Variants in AHI1 observed in about 807,000 individuals in gnomAD.
AHI1 encodes Abelson helper integration site 1.
Under a neutral mutation model 149.3 loss-of-function variants are expected in AHI1, and 123 were observed. The ratio of observed to expected loss-of-function variants is 0.82; its 90% CI spans 0.71 to 0.96. The LOEUF (loss-of-function observed/expected upper bound fraction) is 0.96. AHI1 is among the 40% of genes least tolerant of loss of function. AHI1 has a pLI of 0.00. For missense variants in AHI1, 1,439 were observed against 1,422.7 expected (o/e 1.01, Z -0.18); for synonymous variants, 475 against 459.8 (o/e 1.03, Z -0.42).
rs74774127 is a variant in AHI1 at position 135,384,221 on chromosome 6, C to T, written c.3109+10555G>A. Among the ~76,000 whole-genome samples, 86 of 152,264 alleles carry T rather than the reference C, an allele frequency of 5.6e-4. 2 individuals carry two copies. In the East Asian group the frequency reaches 0.017, roughly 29 times the overall value. ...TCTAAGAACATAGTGCTTTCCCTTT[C>T]TAAAATTTAGTGGGAAGTTAGATAA... On this transcript the variant is annotated intron_variant, in intron 23 of 28. Coordinates refer to ENST00000265602, the MANE Select transcript of AHI1 (RefSeq NM_001134831.2).
chr6:135,432,903 A>G (rs1339532574), intron 16 of AHI1, 124 bp downstream of exon 16: 3 of 688,640 alleles, frequency 4.4e-6, no homozygotes, highest in Non-Finnish European at 7.4e-6. Context: ...ATGACCTGCA[A>G]AATAAGCATA....
intron 19 of AHI1, among the ~76,000 whole-genome samples, chr6:135,428,164 GA>G (rs1043796519): frequency 2.0e-5 from 3 of 151,480 alleles, no homozygotes; most frequent in African/African-American, 7.3e-5. Flanking sequence ...TTGTTTATTG[GA>G]AAAAAACTGA....
chr6:135,287,398 C>T (rs1781817549), intron 28 of AHI1, among the ~76,000 whole-genome samples: 1 of 152,130 alleles, frequency 6.6e-6, no homozygotes, highest in South Asian at 2.1e-4. Context: ...AAAGATGGCG[C>T]ATAAAAGGGA....
chr6:135,304,560 A>G (rs1369571605), intron 26 of AHI1, among the ~76,000 whole-genome samples: 2 of 151,978 alleles, frequency 1.3e-5, no homozygotes, highest in East Asian at 3.9e-4. Flanking sequence ...TCACAAGGTC[A>G]GGAGTCCAAG....
intron 26 of AHI1, chr6:135,301,075 T>A (rs1180339278): frequency 1.1e-5 from 11 of 985,204 alleles, no homozygotes; most frequent in Non-Finnish European, 1.3e-5. Context: ...CAATAAGCAC[T>A]TTCAAGGGTA....
At chr6:135,289,238 G>GT (rs1307879338) in intron 28 of AHI1, among the ~76,000 whole-genome samples, 1 of 151,942 alleles carries the variant, frequency 6.6e-6, no homozygotes. Context: ...GCTCACGCCT[G>GT]TAATCCCAGC....
intron 26 of AHI1, among the ~76,000 whole-genome samples, chr6:135,310,737 T>G (rs1785085043): frequency 6.6e-6 from 1 of 152,208 alleles, no homozygotes; most frequent in African/African-American, 2.4e-5. Context: ...ATAACAGTAG[T>G]TTCTCCACAT....
chr6:135,452,172 A>C (rs948811718), intron 11 of AHI1, among the ~76,000 whole-genome samples: 4 of 152,304 alleles, frequency 2.6e-5, no homozygotes, highest in South Asian at 4.1e-4. Flanking sequence ...TACAATGTCT[A>C]ATTTATCTAT....
intron 26 of AHI1, chr6:135,301,574 A>T (rs895932939): frequency 1.0e-6 from 1 of 985,452 alleles, no homozygotes; most frequent in African/African-American, 1.7e-5. Context: ...ACAGATTTCA[A>T]GAGGATATTA....
chr6:135,353,842 C>T (rs1792539022), intron 24 of AHI1, among the ~76,000 whole-genome samples: 1 of 151,922 alleles, frequency 6.6e-6, no homozygotes, highest in Admixed American at 6.6e-5. Flanking sequence ...GATGAAATAC[C>T]ATGTGACAAA....
At chr6:135,366,709 G>A (rs1269173693) in intron 23 of AHI1, among the ~76,000 whole-genome samples, 3 of 151,964 alleles carry the variant, frequency 2.0e-5, no homozygotes, top group African/African-American at 7.3e-5. Flanking sequence ...ATGGTCTATC[G>A]ATTTTGTTAA....
chr6:135,411,642 C>T, intron 20 of AHI1, 98 bp from the exon 21 acceptor site: 1 of 976,116 alleles, frequency 1.0e-6, no homozygotes, highest in Non-Finnish European at 1.4e-6. Flanking sequence ...AACTGCATAA[C>T]ACATCTTAAA....
chr6:135,494,961 T>TA (rs1795769548), intron 3 of AHI1, among the ~76,000 whole-genome samples: 1 of 152,114 alleles, frequency 6.6e-6, no homozygotes, highest in African/African-American at 2.4e-5. Context: ...CAAAGCTGTT[T>TA]ATAGAGGGGC....
Position 135,455,835 on chromosome 6 carries a change from A to AT in AHI1, c.1242dup (p.Ser415IlefsTer13). 1 of 1,600,820 alleles carries AT rather than the reference A, an allele frequency of 6.2e-7. No homozygotes were observed. Among genetic ancestry groups the AT allele is most frequent in the Non-Finnish European group, 8.5e-7 (1 of 1,172,426 alleles). ...TGTTCTTCCCACTCTGGAAGTCTTG[A>AT]TTTTAACTGTTTAAAATCATATGGC... On this transcript the variant is annotated frameshift_variant, in exon 10 of 29. Coordinates refer to ENST00000265602, the MANE Select transcript of AHI1 (RefSeq NM_001134831.2). LOFTEE classifies it high-confidence loss of function.
Position 135,394,906 on chromosome 6 carries a change from GA to G in AHI1, c.2989-11del, listed in dbSNP as rs397775233. ...AGAGATTTTTGTTGACCTGTATTAG[GA>G]AAACAAATCAGAAACTACAGTGTAA... On this transcript the variant is annotated splice_polypyrimidine_tract_variant and intron_variant, in intron 22 of 28. Coordinates refer to ENST00000265602, the MANE Select transcript of AHI1 (RefSeq NM_001134831.2). 3.0e-5 allele frequency: 48 copies of G among 1,587,806 alleles called. No individual in the cohort carries two copies. The highest frequency in any genetic ancestry group is 4.0e-5 in the African/African-American group (3 of 74,486).
chr6:135,311,045 T>G (rs180687965), intron 26 of AHI1, among the ~76,000 whole-genome samples: 3 of 152,244 alleles, frequency 2.0e-5, no homozygotes, highest in Non-Finnish European at 4.4e-5. Flanking sequence ...CTCACACTTG[T>G]CATCGCAGCA....
intron 23 of AHI1, among the ~76,000 whole-genome samples, chr6:135,364,563 C>G (rs1340194297): frequency 2.7e-5 from 4 of 150,822 alleles, no homozygotes; most frequent in African/African-American, 9.8e-5. Flanking sequence ...GAGGTTGTAG[C>G]GAGCCGAGAT....
At chr6:135,293,392 C>CAAAA (rs1175955601) in intron 27 of AHI1, among the ~76,000 whole-genome samples, 12 of 20,112 alleles carry the variant, frequency 6.0e-4, no homozygotes, top group African/African-American at 2.8e-3. Flanking sequence ...GTTAACAGGG[C>CAAAA]AAAAAAAAAA....
At chr6:135,387,219 T>G (rs1347890743) in intron 23 of AHI1, among the ~76,000 whole-genome samples, 1 of 152,144 alleles carries the variant, frequency 6.6e-6, no homozygotes, top group Non-Finnish European at 1.5e-5. Context: ...AACTACAGGT[T>G]GCAAAATGGA....
Sources: gnomAD v4.1 joint callset for allele counts (sites outside exome capture counted in the v4.1 genomes callset) on GRCh38, gnomAD v4.1.1 for gene constraint, MANE v1.5 for transcripts, NCBI Gene and HGNC (gene_info 2026-07-23, HGNC 2026-07-21) for gene names.